Variants in NEDD4 observed in about 807,000 individuals in gnomAD.
The protein encoded by NEDD4 is E3 ubiquitin-protein ligase NEDD4.
NEDD4 carries 99 observed loss-of-function variants against 144.9 expected under a neutral mutation model. That is an observed-to-expected ratio of 0.68 (90% CI 0.58 to 0.81). The LOEUF (loss-of-function observed/expected upper bound fraction) is 0.81. Among genes scored for constraint, NEDD4 ranks in the 30% least tolerant of loss-of-function variants. The pLI, the probability that NEDD4 is intolerant of heterozygous loss-of-function variation, is 0.00. For synonymous variants in NEDD4, 318 were observed against 350.6 expected (o/e 0.91, Z 1.04); for missense variants, 985 against 1,065.9 (o/e 0.92, Z 1.06).
intron 4 of NEDD4, among the ~76,000 whole-genome samples, chr15:55,926,043 T>C (rs1321464322): frequency 6.6e-6 from 1 of 151,968 alleles, no homozygotes; most frequent in Non-Finnish European, 1.5e-5. Flanking sequence ...ATCATATACA[T>C]ATACAGTATG....
At chr15:55,887,267 AAGAG>A (rs1451967142) in intron 5 of NEDD4, among the ~76,000 whole-genome samples, 16 of 152,196 alleles carry the variant, frequency 1.1e-4, no homozygotes, top group Non-Finnish European at 2.4e-4. Context: ...CTAAGAAAAA[AAGAG>A]AGAAAACCCA....
chr15:55,829,742 TGTC>T lies in NEDD4; in HGVS notation c.*152_*154del, dbSNP rs1184905321. On this transcript the variant is annotated 3_prime_UTR_variant, in exon 29 of 29. Coordinates refer to ENST00000435532, the MANE Select transcript of NEDD4 (RefSeq NM_006154.4). ...TATTTAAAAGTGATTAAAAATAAGT[TGTC>T]GTACTATTTCTTCAAATGCTTTTTA... 6.9e-5 allele frequency: 40 copies of T among 580,562 alleles called. No individual in the cohort carries two copies. Among genetic ancestry groups the T allele is most frequent in the Non-Finnish European group, 1.1e-4 (37 of 328,334 alleles). 36.0% of individuals were successfully genotyped at this position (580,562 alleles called of 1,614,324 possible). A position where few individuals can be genotyped will look rare whatever the true frequency, so the allele number is the denominator to read the frequency against.
At chr15:55,889,653 A>G (rs796477535) in intron 5 of NEDD4, among the ~76,000 whole-genome samples, 22 of 152,236 alleles carry the variant, frequency 1.4e-4, no homozygotes, top group African/African-American at 4.6e-4. Flanking sequence ...TGATAGCAGA[A>G]TAGGGTAACT....
chr15:55,844,040 A>C (rs1180655114), intron 18 of NEDD4, among the ~76,000 whole-genome samples: 1 of 152,204 alleles, frequency 6.6e-6, no homozygotes, highest in Non-Finnish European at 1.5e-5. Context: ...TGCAGGGCAT[A>C]AAAGACTGAG....
intron 5 of NEDD4, among the ~76,000 whole-genome samples, chr15:55,912,129 A>G (rs1179657892): frequency 6.6e-6 from 1 of 152,230 alleles, no homozygotes; most frequent in East Asian, 1.9e-4. Flanking sequence ...TTGTGGCATC[A>G]CATTTTAGAA....
intron 18 of NEDD4, among the ~76,000 whole-genome samples, chr15:55,844,807 A>ATT (rs56088235): frequency 1.2e-4 from 17 of 138,768 alleles, no homozygotes; most frequent in African/African-American, 1.6e-4. Flanking sequence ...CCGGTTTTCA[A>ATT]TTTTTTTTTT....
chr15:55,880,016 A>G (rs992195925), intron 5 of NEDD4, among the ~76,000 whole-genome samples: 12 of 152,204 alleles, frequency 7.9e-5, no homozygotes, highest in African/African-American at 2.9e-4. Context: ...CTGGCTGGGC[A>G]TGGTGTCTCA....
chr15:55,868,568 C>CTCT (rs2034666803), intron 8 of NEDD4, among the ~76,000 whole-genome samples: 1 of 152,174 alleles, frequency 6.6e-6, no homozygotes, highest in South Asian at 2.1e-4. Flanking sequence ...GGCACACACT[C>CTCT]TCTTGCCTGC....
intron 5 of NEDD4, among the ~76,000 whole-genome samples, chr15:55,898,787 C>T (rs1357508777): frequency 6.6e-6 from 1 of 151,894 alleles, no homozygotes; most frequent in Admixed American, 6.6e-5. Flanking sequence ...GCAAGCGCCA[C>T]CACACCTGGC....
Position 55,993,551 on chromosome 15 carries a change from G to A in NEDD4, c.5C>T (p.Ala2Val), listed in dbSNP as rs773652373. M[A>V]TCAVEVFGLL... ...CCCGAACACCTCCACCGCGCAAGTT[G>A]CCATTTCCGAACGCTTCCAGCAAAC... Residue 2 changes from alanine (A) to valine (V), a missense_variant, in exon 1 of 29, where the codon GCA becomes GTA. Physicochemically the swap from Ala to Val is moderately conservative, Grantham distance 64. Transcript: ENST00000435532. 3.1e-6 allele frequency: 5 copies of A among 1,595,576 alleles called. No individual in the cohort carries two copies. The highest frequency in any genetic ancestry group is 4.3e-6 in the Non-Finnish European group (5 of 1,173,356).
At chr15:55,851,982 G>A (rs2034000520) in intron 13 of NEDD4, among the ~76,000 whole-genome samples, 1 of 152,010 alleles carries the variant, frequency 6.6e-6, no homozygotes, top group African/African-American at 2.4e-5. Flanking sequence ...CTTAACATCA[G>A]TGTCAGAATA....
At chr15:55,992,743 T>G (rs2038007954) in intron 1 of NEDD4, among the ~76,000 whole-genome samples, 1 of 152,228 alleles carries the variant, frequency 6.6e-6, no homozygotes, top group Admixed American at 6.5e-5. Context: ...ATAGGCATAA[T>G]CAGCATTAGT....
intron 11 of NEDD4, among the ~76,000 whole-genome samples, chr15:55,858,031 C>T (rs772521280): frequency 6.6e-6 from 1 of 152,128 alleles, no homozygotes; most frequent in African/African-American, 2.4e-5. Flanking sequence ...GTTTAGTCCT[C>T]GAGTAAATTA....
intron 1 of NEDD4, among the ~76,000 whole-genome samples, chr15:55,986,576 C>G (rs1340005721): frequency 2.1e-5 from 3 of 142,766 alleles, no homozygotes; most frequent in Non-Finnish European, 4.5e-5. Flanking sequence ...AAGGCCTGTC[C>G]TTGCTTTTTT....
intron 2 of NEDD4, among the ~76,000 whole-genome samples, chr15:55,958,949 G>C: frequency 6.8e-6 from 1 of 146,920 alleles, no homozygotes; most frequent in Non-Finnish European, 1.5e-5. Context: ...AACTTTAATT[G>C]ATGTCTTCAA....
rs2036410665 is a variant in NEDD4, at chr15:55,915,570, G to T, written c.291+9076C>A. ...TACATTTTGGGAGGATGGCAAACATGCAGATGTCCTATGCATGAGCTTAAT... is the reference window on the plus strand; with the variant it reads ...TACATTTTGGGAGGATGGCAAACATTCAGATGTCCTATGCATGAGCTTAAT... On this transcript the variant is annotated intron_variant, in intron 5 of 28. Coordinates refer to ENST00000435532, the MANE Select transcript of NEDD4 (RefSeq NM_006154.4). 1.9e-6 allele frequency: 3 copies of T among 1,613,946 alleles called. No homozygotes were observed. The East Asian group carries it at 6.7e-5, about 36-fold the overall frequency.
intron 5 of NEDD4, among the ~76,000 whole-genome samples, chr15:55,919,226 T>C (rs1283657224): frequency 6.6e-6 from 1 of 152,126 alleles, no homozygotes; most frequent in Non-Finnish European, 1.5e-5. Flanking sequence ...CAGATAGAAG[T>C]CTGGATGGAG....
chr15:55,956,489 C>A (rs949378801), intron 2 of NEDD4, among the ~76,000 whole-genome samples: 5 of 152,192 alleles, frequency 3.3e-5, no homozygotes, highest in African/African-American at 1.2e-4. Context: ...AGATTCATTT[C>A]ATTCTATACA....
chr15:55,891,044 C>T (rs1245514932), intron 5 of NEDD4, among the ~76,000 whole-genome samples: 3 of 152,174 alleles, frequency 2.0e-5, no homozygotes. Flanking sequence ...AAAAAATCAC[C>T]TGTTTTTATT....
Sources: allele counts gnomAD v4.1 joint callset (sites outside exome capture counted in the v4.1 genomes callset), GRCh38; gene constraint gnomAD v4.1.1; transcripts MANE v1.5; gene names NCBI Gene and HGNC (gene_info 2026-07-23, HGNC 2026-07-21).